CRTAC1: variants seen among roughly 807,000 people sequenced by gnomAD.
CRTAC1 encodes acidic secreted protein in cartilage.
CRTAC1 carries 37 observed loss-of-function variants against 67.8 expected under a neutral mutation model. The ratio of observed to expected loss-of-function variants is 0.55; its 90% CI spans 0.42 to 0.72. The LOEUF is 0.72. CRTAC1 is among the 30% of genes least tolerant of loss of function. CRTAC1 has a pLI of 0.00. For synonymous variants in CRTAC1, 348 were observed against 371.0 expected (o/e 0.94, Z 0.71); for missense variants, 780 against 931.6 (o/e 0.84, Z 2.12).
At chr10:97,940,172 G>A (rs758147156) in intron 2 of CRTAC1, among the ~76,000 whole-genome samples, 9 of 152,180 alleles carry the variant, frequency 5.9e-5, no homozygotes, top group Non-Finnish European at 1.3e-4. Context: ...GTCTCATTCC[G>A]TCCTCACAAC....
chr10:97,951,596 A>G (rs2051356631), intron 2 of CRTAC1, among the ~76,000 whole-genome samples: 1 of 152,194 alleles, frequency 6.6e-6, no homozygotes, highest in South Asian at 2.1e-4. Flanking sequence ...GAAAGTACCA[A>G]ATTGTACCTA....
chr10:97,942,421 T>C lies in CRTAC1; in HGVS notation c.225-6055A>G, dbSNP rs553138321. Among the ~76,000 whole-genome samples the C allele has an allele frequency of 2.0e-5, 3 of 152,314 alleles. No individual in the cohort carries two copies. In the East Asian group the frequency reaches 5.8e-4, roughly 29 times the overall value. ...CATCAATTCCCAAAATATTAATATA[T>C]GTACAAACATAGTCATGAAAAAGAG... is the stretch of plus-strand genomic sequence containing the variant. On this transcript the variant is annotated intron_variant, in intron 2 of 14. Coordinates refer to ENST00000370597, the MANE Select transcript of CRTAC1 (RefSeq NM_018058.7).
rs1427571777 is a variant in CRTAC1 at position 97,865,468 on chromosome 10, C to G, written c.*80G>C. On this transcript the variant is annotated 3_prime_UTR_variant, in exon 15 of 15. Coordinates refer to ENST00000370597, the MANE Select transcript of CRTAC1 (RefSeq NM_018058.7). ...GTCTAGCTCCCAGGCCTTTACATCC[C>G]TACTGTCTAGGCAGCAGCACAAGCC... 9 of 1,515,104 alleles carry G rather than the reference C, an allele frequency of 5.9e-6. No individual in the cohort carries two copies. Among genetic ancestry groups the G allele is most frequent in the Non-Finnish European group, 7.1e-6 (8 of 1,120,492 alleles). 93.9% of individuals were successfully genotyped at this position (1,515,104 alleles called of 1,614,324 possible).
chr10:97,953,698 G>A (rs1202134810), intron 2 of CRTAC1, among the ~76,000 whole-genome samples: 2 of 152,158 alleles, frequency 1.3e-5, no homozygotes, highest in Admixed American at 1.3e-4. Context: ...ACTAAAGCCC[G>A]AGGTCAGTCA....
At chr10:97,883,733 C>G (rs567895246) in intron 12 of CRTAC1, among the ~76,000 whole-genome samples, 6 of 152,290 alleles carry the variant, frequency 3.9e-5, no homozygotes, top group African/African-American at 1.2e-4. Flanking sequence ...AGAGTTGGAA[C>G]GACACTGCTG....
At chr10:97,904,538 G>T in intron 7 of CRTAC1, 131 bp downstream of exon 7, 1 of 788,624 alleles carries the variant, frequency 1.3e-6, no homozygotes, top group Non-Finnish European at 1.8e-6. Flanking sequence ...CTGTGCCTCA[G>T]CTACCGGAGT....
At chr10:98,015,874 C>T (rs1842986985) in intron 1 of CRTAC1, among the ~76,000 whole-genome samples, 1 of 152,174 alleles carries the variant, frequency 6.6e-6, no homozygotes, top group Admixed American at 6.5e-5. Flanking sequence ...ATACCAGGTT[C>T]CATACTGTAG....
intron 5 of CRTAC1, among the ~76,000 whole-genome samples, chr10:97,914,683 C>T (rs1425899128): frequency 6.6e-6 from 1 of 152,198 alleles, no homozygotes; most frequent in Non-Finnish European, 1.5e-5. Flanking sequence ...TCTCACCTTC[C>T]CCTCCTCTTT....
At chr10:98,020,308 T>C (rs1437131123) in intron 1 of CRTAC1, among the ~76,000 whole-genome samples, 1 of 152,182 alleles carries the variant, frequency 6.6e-6, no homozygotes, top group Non-Finnish European at 1.5e-5. Context: ...ACAATAATAA[T>C]ACATATCTAC....
In CRTAC1 at chr10:97,901,568, G is replaced by T; in HGVS notation, c.1068C>A (p.Asp356Glu). The change falls in exon 8 of 15, where the codon GAC (aspartate) becomes GAA (glutamate). Residue 356 changes from aspartate (D) to glutamate (E), a missense_variant. Physicochemically the swap from Asp to Glu is conservative, Grantham distance 45 (BLOSUM62 2). Coordinates refer to ENST00000370597, the MANE Select transcript of CRTAC1 (RefSeq NM_018058.7). ...RTVITADFDN[D>E]QELEIFFNNI... The stretch of plus-strand genomic sequence containing the variant: ...TGTTGAAGAAGATCTCCAGCTCCTG[G>T]TCATTGTCAAAGTCGGCGGTGATGA... The T allele has an allele frequency of 6.2e-7, 1 of 1,614,234 alleles. No homozygotes were observed.
intron 7 of CRTAC1, among the ~76,000 whole-genome samples, 184 bp downstream of exon 7, chr10:97,904,485 G>A (rs954379631): frequency 6.6e-6 from 1 of 152,212 alleles, no homozygotes; most frequent in East Asian, 1.9e-4. Flanking sequence ...GCAGTAGCAC[G>A]ATCTCAGCTC....
intron 2 of CRTAC1, among the ~76,000 whole-genome samples, chr10:97,960,916 T>C (rs1401613230): frequency 6.6e-6 from 1 of 152,254 alleles, no homozygotes; most frequent in East Asian, 1.9e-4. Context: ...CCCCACACTA[T>C]GTCCTAAAAA....
intron 2 of CRTAC1, among the ~76,000 whole-genome samples, chr10:97,979,017 T>C (rs1223725008): frequency 6.6e-6 from 1 of 152,008 alleles, no homozygotes; most frequent in African/African-American, 2.4e-5. Context: ...AGTGAGGAGA[T>C]GGGGGCAGGG....
intron 3 of CRTAC1, among the ~76,000 whole-genome samples, chr10:97,924,461 C>T (rs1372313923): frequency 6.6e-6 from 1 of 152,106 alleles, no homozygotes; most frequent in East Asian, 1.9e-4. Context: ...AGGCAGCAGG[C>T]TTAGACTGAG....
In CRTAC1 at chr10:98,002,761, C is replaced by CTTTTTTTTT. The variant is rs531021933; in HGVS notation, c.224+8368_224+8376dup. On this transcript the variant is annotated intron_variant, in intron 2 of 14. Transcript: ENST00000370597. ...TTTTAGGAATTCTTTACAAAACTCA[C>CTTTTTTTTT]TTTTTTTTTTTTTTTTTTTTTTTTT... Among the ~76,000 whole-genome samples, 9 of 37,268 alleles carry CTTTTTTTTT rather than the reference C, an allele frequency of 2.4e-4. 2 individuals carry two copies. The highest frequency in any genetic ancestry group is 7.5e-4 in the East Asian group (1 of 1,330). The allele number at this position is 37,268 out of a possible 152,430, so 24.4% of individuals were successfully genotyped here. A position where few individuals can be genotyped will look rare whatever the true frequency, so the allele number is the denominator to read the frequency against.
intron 14 of CRTAC1, among the ~76,000 whole-genome samples, chr10:97,874,138 A>C (rs907999918): frequency 3.3e-5 from 5 of 152,210 alleles, no homozygotes; most frequent in Admixed American, 3.3e-4. Context: ...CCCGGCAGGA[A>C]AAAGGACCAG....
intron 6 of CRTAC1, among the ~76,000 whole-genome samples, chr10:97,907,503 C>T (rs372408794): frequency 4.0e-5 from 6 of 151,792 alleles, no homozygotes; most frequent in Admixed American, 2.6e-4. Context: ...TTATTACAGC[C>T]GGATATTTTT....
At chr10:98,000,808 A>T (rs1474390162) in intron 2 of CRTAC1, among the ~76,000 whole-genome samples, 2 of 152,252 alleles carry the variant, frequency 1.3e-5, no homozygotes, top group African/African-American at 4.8e-5. Flanking sequence ...GAAATTGAGA[A>T]AACAAAATAA....
At chr10:97,979,830 G>T (rs1398220061) in intron 2 of CRTAC1, among the ~76,000 whole-genome samples, 1 of 152,154 alleles carries the variant, frequency 6.6e-6, no homozygotes, top group East Asian at 1.9e-4. Context: ...TGCAGCAGGG[G>T]CTGAGAAGCA....
Sources: allele counts gnomAD v4.1 joint callset (sites outside exome capture counted in the v4.1 genomes callset), GRCh38; gene constraint gnomAD v4.1.1; transcripts MANE v1.5; gene names NCBI Gene and HGNC (gene_info 2026-07-23, HGNC 2026-07-21).